Variants in ADCY5 observed in about 807,000 individuals in gnomAD.
ADCY5 encodes adenylate cyclase type 5.
ADCY5 carries 30 observed loss-of-function variants against 119.7 expected under a neutral mutation model. The observed-to-expected ratio is 0.25, with a 90% CI of 0.19 to 0.34. The LOEUF (loss-of-function observed/expected upper bound fraction) is 0.34, where lower values mean the gene tolerates loss of function less well. Among genes scored for constraint, ADCY5 ranks in the 10% least tolerant of loss-of-function variants. The pLI is 1.00. For missense variants in ADCY5, 1,324 were observed against 1,775.2 expected, an observed-to-expected ratio of 0.75 and a Z score of 4.57; for synonymous variants, 753 against 762.2, an observed-to-expected ratio of 0.99 and a Z score of 0.20.
Position 123,304,203 on chromosome 3 carries a change from G to GGAGA in ADCY5, c.2443-24_2443-21dup. 7.5e-7 allele frequency: 1 copy of GGAGA among 1,325,736 alleles called. No individual in the cohort carries two copies. Among genetic ancestry groups the GGAGA allele is most frequent in the Non-Finnish European group, 1.1e-6 (1 of 924,744 alleles). The allele number at this position is 1,325,736 out of a possible 1,614,324, so 82.1% of individuals were successfully genotyped here. On this transcript the variant is annotated intron_variant, in intron 12 of 20. Coordinates refer to ENST00000462833, the MANE Select transcript of ADCY5 (RefSeq NM_183357.3). The stretch of plus-strand genomic sequence containing the variant: ...GAAGAGCTAGGGTGGGGGCAGGGGT[G>GGAGA]GAGAGGGAGGGAGGGAGAGACGGAA...
intron 1 of ADCY5, among the ~76,000 whole-genome samples, chr3:123,432,149 T>C (rs12493479): frequency 2.6e-5 from 4 of 152,288 alleles, no homozygotes; most frequent in Admixed American, 2.0e-4. Flanking sequence ...TGCACCATAA[T>C]ACATGGCAAT....
chr3:123,349,740 C>G (rs1942745008), intron 2 of ADCY5, among the ~76,000 whole-genome samples: 1 of 152,174 alleles, frequency 6.6e-6, no homozygotes, highest in African/African-American at 2.4e-5. Context: ...CTGAAGCACC[C>G]TCTCCACCCA....
chr3:123,341,223 T>C (rs754474655), intron 3 of ADCY5, among the ~76,000 whole-genome samples: 1 of 152,206 alleles, frequency 6.6e-6, no homozygotes, highest in Non-Finnish European at 1.5e-5. Flanking sequence ...AGCAACCCAG[T>C]GTCCATCAAT....
chr3:123,405,427 C>T (rs530296619), intron 1 of ADCY5, among the ~76,000 whole-genome samples: 23 of 152,194 alleles, frequency 1.5e-4, no homozygotes, highest in Non-Finnish European at 2.8e-4. Flanking sequence ...CCCAGAACAC[C>T]GGCACAGAGA....
chr3:123,427,907 C>G (rs1945444987), intron 1 of ADCY5, among the ~76,000 whole-genome samples: 1 of 152,114 alleles, frequency 6.6e-6, no homozygotes, highest in Non-Finnish European at 1.5e-5. Flanking sequence ...ATAATTCAGC[C>G]CAACAATCAT....
chr3:123,439,076 C>CATTTTTTTTTTTTTTTTT (rs141937415), intron 1 of ADCY5, among the ~76,000 whole-genome samples: 1 of 64,728 alleles, frequency 1.5e-5, no homozygotes, highest in Non-Finnish European at 2.6e-5. Context: ...CCCTAAAGTG[C>CATTTTTTTTTTTTTTTTT]TTTTTTTTTT....
At chr3:123,329,431 C>A (rs1233151594) in intron 5 of ADCY5, among the ~76,000 whole-genome samples, 1 of 152,124 alleles carries the variant, frequency 6.6e-6, no homozygotes, top group Non-Finnish European at 1.5e-5. Context: ...TCTGGGAGCT[C>A]CCAGTAGACA....
In ADCY5 at chr3:123,406,549, G is replaced by A. The variant is rs368203822; in HGVS notation, c.1134+40863C>T. On this transcript the variant is annotated intron_variant, in intron 1 of 20. Coordinates refer to ENST00000462833, the MANE Select transcript of ADCY5 (RefSeq NM_183357.3). ...GTCTGGTGCCCCTGATCAGCAAAGC[G>A]GCGTTTTCATTTCAGTTGGAGAGAG... Among the ~76,000 whole-genome samples, 9 of 152,298 alleles carry A rather than the reference G, an allele frequency of 5.9e-5. No individual in the cohort carries two copies. The East Asian group carries it at 9.7e-4, about 16-fold the overall frequency.
At chr3:123,426,279 T>A (rs1410521453) in intron 1 of ADCY5, among the ~76,000 whole-genome samples, 1 of 146,368 alleles carries the variant, frequency 6.8e-6, no homozygotes, top group African/African-American at 2.5e-5. Context: ...TTCTTTTTTT[T>A]TCTTTTTCTT....
chr3:123,446,091 G>A (rs1945807239), intron 1 of ADCY5, among the ~76,000 whole-genome samples: 1 of 152,156 alleles, frequency 6.6e-6, no homozygotes, highest in African/African-American at 2.4e-5. Flanking sequence ...AGGTAGCAAA[G>A]GCCCAGAGAG....
In ADCY5 at chr3:123,284,629, A is replaced by C; in HGVS notation, c.3765T>G (p.Asn1255Lys). ...GCTGCTAACTGAGCGGGGGCCCTCC[A>C]TTGAGGAAGTAGGTCATCATCTCGC... ...GKGEMMTYFL[N>K]GGPPLS is the part of the protein sequence containing the mutation. The change falls in exon 21 of 21, where the codon AAT (asparagine) becomes AAG (lysine). Residue 1255 changes from asparagine (N) to lysine (K), a missense_variant. Asn to Lys is a moderately conservative substitution (Grantham distance 94). Transcript: ENST00000462833. 6.2e-7 allele frequency: 1 copy of C among 1,614,210 alleles called. No individual in the cohort carries two copies. The highest frequency in any genetic ancestry group is 8.5e-7 in the Non-Finnish European group (1 of 1,180,012).
At chr3:123,387,440 TG>T (rs1286165701) in intron 1 of ADCY5, among the ~76,000 whole-genome samples, 1 of 151,930 alleles carries the variant, frequency 6.6e-6, no homozygotes, top group African/African-American at 2.4e-5. Flanking sequence ...TCCATTGACT[TG>T]GGAGTAGGTA....
intron 1 of ADCY5, among the ~76,000 whole-genome samples, chr3:123,436,807 C>T (rs1243507102): frequency 1.3e-5 from 2 of 152,186 alleles, no homozygotes; most frequent in African/African-American, 4.8e-5. Context: ...TTGATAAGCA[C>T]ATGCTATCAA....
At chr3:123,360,934 G>A (rs1008029447) in intron 1 of ADCY5, among the ~76,000 whole-genome samples, 2 of 152,148 alleles carry the variant, frequency 1.3e-5, no homozygotes, top group East Asian at 1.9e-4. Flanking sequence ...ACTGAGGCCC[G>A]AGGCAGGGGT....
At chr3:123,362,027 C>G (rs1304381993) in intron 1 of ADCY5, among the ~76,000 whole-genome samples, 1 of 152,164 alleles carries the variant, frequency 6.6e-6, no homozygotes, top group East Asian at 1.9e-4. Context: ...AAATAATATT[C>G]CACAGCACAG....
intron 1 of ADCY5, among the ~76,000 whole-genome samples, chr3:123,368,335 C>T (rs1167198020): frequency 1.3e-5 from 2 of 152,218 alleles, no homozygotes; most frequent in South Asian, 2.1e-4. Context: ...GTGGCTCACG[C>T]CTGTAATCCC....
At chr3:123,417,453 G>A (rs1210915627) in intron 1 of ADCY5, among the ~76,000 whole-genome samples, 1 of 152,238 alleles carries the variant, frequency 6.6e-6, no homozygotes, top group African/African-American at 2.4e-5. Flanking sequence ...ATTACCTTAA[G>A]CCCTTGCCCC....
chr3:123,328,946 TTCA>T (rs1941628013), intron 5 of ADCY5, 144 bp from the exon 6 acceptor site: 6 of 927,066 alleles, frequency 6.5e-6, no homozygotes, highest in Middle Eastern at 6.4e-4. Flanking sequence ...TCCAAGAACG[TTCA>T]GCCTGAAGGG....
intron 17 of ADCY5, among the ~76,000 whole-genome samples, chr3:123,295,600 G>A (rs1939449253): frequency 6.6e-6 from 1 of 152,288 alleles, no homozygotes; most frequent in South Asian, 2.1e-4. Flanking sequence ...CCCAGCTCTG[G>A]CTAGGTCAAG....
Sources: gnomAD v4.1 joint callset for allele counts (sites outside exome capture counted in the v4.1 genomes callset) on GRCh38, gnomAD v4.1.1 for gene constraint, MANE v1.5 for transcripts, NCBI Gene and HGNC (gene_info 2026-07-23, HGNC 2026-07-21) for gene names.